The following FAM184A variants were observed in gnomAD, a reference collection of about 807,000 sequenced individuals.
FAM184A encodes family with sequence similarity 184 member A.
FAM184A carries 99 observed loss-of-function variants against 143.8 expected under a neutral mutation model. The ratio of observed to expected loss-of-function variants is 0.69; its 90% CI spans 0.58 to 0.81. The LOEUF (loss-of-function observed/expected upper bound fraction) is 0.81, where lower values mean the gene tolerates loss of function less well. Among genes scored for constraint, FAM184A ranks in the 40% least tolerant of loss-of-function variants. The pLI, the probability that FAM184A is intolerant of heterozygous loss-of-function variation, is 0.00. For missense variants in FAM184A, 1,217 were observed against 1,310.5 expected, an observed-to-expected ratio of 0.93 and a Z score of 1.10; for synonymous variants, 427 against 446.4, an observed-to-expected ratio of 0.96 and a Z score of 0.55.
intron 14 of FAM184A, among the ~76,000 whole-genome samples, chr6:118,969,125 G>T (rs1341430432): frequency 6.6e-6 from 1 of 152,090 alleles, no homozygotes; most frequent in African/African-American, 2.4e-5. Context: ...TTCCCCCCTT[G>T]CTTGGCCCTT....
chr6:118,984,181 ATATATATATT>A, intron 9 of FAM184A, among the ~76,000 whole-genome samples: 1 of 140,232 alleles, frequency 7.1e-6, no homozygotes, highest in Admixed American at 7.3e-5. Context: ...ATATATATTT[ATATATATATT>A]TATATTTATA....
chr6:119,036,711 T>C (rs974706106), intron 1 of FAM184A, among the ~76,000 whole-genome samples: 2 of 152,220 alleles, frequency 1.3e-5, no homozygotes, highest in Admixed American at 6.5e-5. Flanking sequence ...CTTTTTTATA[T>C]GCATTCTGGC....
At chr6:119,137,899 T>A (rs574237416) in intron 1 of FAM184A, among the ~76,000 whole-genome samples, 1 of 152,200 alleles carries the variant, frequency 6.6e-6, no homozygotes, top group Admixed American at 6.5e-5. Flanking sequence ...TGTTTCCTCT[T>A]CTGTCTTGCA....
At chr6:119,133,982 A>C (rs1208085751) in intron 1 of FAM184A, among the ~76,000 whole-genome samples, 1 of 151,858 alleles carries the variant, frequency 6.6e-6, no homozygotes, top group African/African-American at 2.4e-5. Flanking sequence ...ATGCACAGCG[A>C]GTAAGCATTT....
upstream of FAM184A, among the ~76,000 whole-genome samples, chr6:119,082,600 C>T (rs1447525967): frequency 1.3e-5 from 2 of 152,256 alleles, no homozygotes; most frequent in Non-Finnish European, 2.9e-5. Context: ...TGAAAACTGA[C>T]AAGGCACTCA....
At chr6:119,068,057 T>G (rs2114781564) in intron 1 of FAM184A, among the ~76,000 whole-genome samples, 1 of 149,984 alleles carries the variant, frequency 6.7e-6, no homozygotes, top group Non-Finnish European at 1.5e-5. Context: ...GTTTTTTTTT[T>G]TTTTTTTTGA....
intron 9 of FAM184A, among the ~76,000 whole-genome samples, chr6:118,989,801 C>CATTTATTTATTTATTTATTT (rs149164113): frequency 4.8e-5 from 7 of 144,810 alleles, no homozygotes; most frequent in African/African-American, 1.3e-4. Flanking sequence ...AGTATTTTTA[C>CATTTATTTATTTATTTATTT]ATTTATTTAT....
chr6:119,145,030 C>G (rs1772380808), intron 1 of FAM184A, among the ~76,000 whole-genome samples: 1 of 152,238 alleles, frequency 6.6e-6, no homozygotes, highest in Admixed American at 6.5e-5. Context: ...CCACTCTCCA[C>G]CCTTCTCTGC....
intron 1 of FAM184A, among the ~76,000 whole-genome samples, chr6:119,102,062 AT>A (rs1788651575): frequency 6.6e-6 from 1 of 152,166 alleles, no homozygotes; most frequent in Non-Finnish European, 1.5e-5. Context: ...TCTCAAAAAA[AT>A]AAAAATAAAA....
chr6:119,020,167 C>A lies in FAM184A; in HGVS notation c.1151-8G>T. On this transcript the variant is annotated splice_polypyrimidine_tract_variant and splice_region_variant and intron_variant, in intron 3 of 17. Transcript: ENST00000338891. ...GAAGCATTCCAATATGACCTATCCC[C>A]CAAAAAGAAAATCCCTTCAATTTAA... is the stretch of plus-strand genomic sequence containing the variant. The A allele has an allele frequency of 1.3e-6, 2 of 1,510,634 alleles. No individual in the cohort carries two copies. The highest frequency in any genetic ancestry group is 1.8e-6 in the Non-Finnish European group (2 of 1,134,326). The allele number at this position is 1,510,634 out of a possible 1,614,324, so 93.6% of individuals were successfully genotyped here.
At chr6:118,985,348 A>G (rs998390933) in intron 9 of FAM184A, among the ~76,000 whole-genome samples, 10 of 152,240 alleles carry the variant, frequency 6.6e-5, no homozygotes. Flanking sequence ...ATGTGAAACC[A>G]TGAGAGTGTC....
intron 1 of FAM184A, among the ~76,000 whole-genome samples, chr6:119,027,993 T>C (rs1405450951): frequency 1.3e-5 from 2 of 152,192 alleles, no homozygotes; most frequent in Non-Finnish European, 2.9e-5. Flanking sequence ...TGCCCCCCAC[T>C]TCAAATGTCC....
chr6:118,964,529 AGTTT>A (rs201989692), intron 16 of FAM184A, 134 bp downstream of exon 16: 4,770 of 457,852 alleles, frequency 0.01, 201 homozygotes, highest in African/African-American at 0.082. Flanking sequence ...ATAATTCATA[AGTTT>A]TAGTGCTAGA....
intron 16 of FAM184A, chr6:118,963,797 C>T (rs1250593908): frequency 1.3e-5 from 2 of 151,610 alleles, no homozygotes; most frequent in Admixed American, 6.6e-5. Context: ...ATCATTTATT[C>T]TTTATGACTT....
At chr6:119,000,568 G>A (rs1784723278) in intron 9 of FAM184A, among the ~76,000 whole-genome samples, 1 of 152,200 alleles carries the variant, frequency 6.6e-6, no homozygotes, top group Admixed American at 6.5e-5. Flanking sequence ...GGCAGCCCAT[G>A]ATGGCCGGCT....
intron 1 of FAM184A, among the ~76,000 whole-genome samples, chr6:119,066,886 A>T (rs1428108753): frequency 1.3e-5 from 2 of 152,224 alleles, no homozygotes; most frequent in Admixed American, 1.3e-4. Flanking sequence ...GAACTGTATA[A>T]GATTTCAAGT....
chr6:119,100,054 G>A (rs887036725), intron 1 of FAM184A, among the ~76,000 whole-genome samples: 1 of 152,186 alleles, frequency 6.6e-6, no homozygotes, highest in African/African-American at 2.4e-5. Flanking sequence ...CCAGGTAGGT[G>A]GTGTCAGAAT....
At chr6:118,992,224 A>G (rs529046317) in intron 9 of FAM184A, among the ~76,000 whole-genome samples, 2 of 152,276 alleles carry the variant, frequency 1.3e-5, no homozygotes, top group African/African-American at 4.8e-5. Flanking sequence ...ATGAAAGCAA[A>G]TAGAGCTAGA....
intron 1 of FAM184A, among the ~76,000 whole-genome samples, chr6:119,092,284 C>T (rs1044016686): frequency 1.3e-5 from 2 of 152,166 alleles, no homozygotes; most frequent in African/African-American, 2.4e-5. Context: ...ACTACAGGTA[C>T]ACACCACCAC....
Sources: allele counts gnomAD v4.1 joint callset (sites outside exome capture counted in the v4.1 genomes callset), GRCh38; gene constraint gnomAD v4.1.1; transcripts MANE v1.5; gene names NCBI Gene and HGNC (gene_info 2026-07-23, HGNC 2026-07-21).